PLD5: variants seen among roughly 807,000 people sequenced by gnomAD.
PLD5 encodes phospholipase D family member 5, also known as inactive phospholipase D5.
Under a neutral mutation model 61.1 loss-of-function variants are expected in PLD5, and 36 were observed. That is an observed-to-expected ratio of 0.59 (90% CI 0.45 to 0.78). The LOEUF (loss-of-function observed/expected upper bound fraction) is 0.78, where lower values mean the gene tolerates loss of function less well. Among genes scored for constraint, PLD5 ranks in the 30% least tolerant of loss-of-function variants. The pLI, the probability that PLD5 is intolerant of heterozygous loss-of-function variation, is 0.00. For missense variants in PLD5, 515 were observed against 644.4 expected (o/e 0.80, Z 2.17); for synonymous variants, 243 against 242.8 (o/e 1.00, Z -0.01).
At chr1:242,424,216 A>T (rs1665296884) in intron 1 of PLD5, among the ~76,000 whole-genome samples, 1 of 151,966 alleles carries the variant, frequency 6.6e-6, no homozygotes, top group African/African-American at 2.4e-5. Context: ...CTCCTGCCCC[A>T]CCCCACTATG....
rs2149220232 is a variant in PLD5, at chr1:242,348,360, C to T, written c.190-118G>A. 3.6e-6 allele frequency: 4 copies of T among 1,123,764 alleles called. No individual in the cohort carries two copies. In the South Asian group the frequency reaches 6.6e-5, roughly 19 times the overall value. 69.6% of individuals were successfully genotyped at this position (1,123,764 alleles called of 1,614,324 possible). ...ATGGGTGGGGATACGATTATCACTG[C>T]CTAGAAGGGAAATCTATTCTCTAGT... On this transcript the variant is annotated intron_variant, in intron 1 of 9. Coordinates refer to ENST00000536534, the MANE Select transcript of PLD5 (RefSeq NM_001372062.1).
At chr1:242,160,155 G>C (rs1665710863) in intron 5 of PLD5, among the ~76,000 whole-genome samples, 1 of 151,986 alleles carries the variant, frequency 6.6e-6, no homozygotes, top group Non-Finnish European at 1.5e-5. Context: ...AGAACCACAG[G>C]CATGTGCCAC....
intron 5 of PLD5, among the ~76,000 whole-genome samples, chr1:242,214,690 C>T (rs917020824): frequency 2.0e-5 from 3 of 152,050 alleles, no homozygotes; most frequent in Admixed American, 1.3e-4. Flanking sequence ...CTCACAGGCA[C>T]GTCCCCTCCT....
intron 2 of PLD5, chr1:242,345,688 G>C: frequency 2.6e-6 from 2 of 755,030 alleles, no homozygotes; most frequent in Non-Finnish European, 2.5e-6. Context: ...GGTGTCCTCA[G>C]ACCCTATCAG....
intron 1 of PLD5, among the ~76,000 whole-genome samples, chr1:242,462,359 A>C (rs1447861363): frequency 6.6e-6 from 1 of 152,172 alleles, no homozygotes; most frequent in Non-Finnish European, 1.5e-5. Flanking sequence ...GTTAGAAGCC[A>C]TAATCCTAGA....
chr1:242,154,591 A>C (rs934437823), intron 5 of PLD5, among the ~76,000 whole-genome samples: 4 of 152,122 alleles, frequency 2.6e-5, no homozygotes, highest in Non-Finnish European at 5.9e-5. Flanking sequence ...TTCTGCATCT[A>C]TTGAGATAAT....
chr1:242,163,133 TTTTCTTTTCTTTTC>T (rs1665977861), intron 5 of PLD5, among the ~76,000 whole-genome samples: 1 of 127,598 alleles, frequency 7.8e-6, no homozygotes, highest in Non-Finnish European at 1.7e-5. Flanking sequence ...AAGTCTTTTA[TTTTCTTTTCTTTTC>T]TTTCTTTTCT....
Position 242,249,515 on chromosome 1 carries a change from G to A in PLD5, c.607+15822C>T, listed in dbSNP as rs1410790327. Among the ~76,000 whole-genome samples the A allele has an allele frequency of 2.0e-5, 3 of 152,164 alleles. No individual in the cohort carries two copies. The East Asian group carries it at 5.8e-4, about 29-fold the overall frequency. ...TCATCTTTCAAAGAAAGTTAAAAGG[G>A]AGGGAGCAAAAAACAACCAGGGGGT... On this transcript the variant is annotated intron_variant, in intron 4 of 9. Transcript: ENST00000536534.
intron 4 of PLD5, among the ~76,000 whole-genome samples, chr1:242,251,780 G>GA (rs1181905283): frequency 6.6e-6 from 1 of 152,126 alleles, no homozygotes; most frequent in Non-Finnish European, 1.5e-5. Context: ...AGGTAAGAGA[G>GA]AAAAAAACTT....
intron 3 of PLD5, among the ~76,000 whole-genome samples, chr1:242,277,843 C>T (rs1389587623): frequency 5.9e-5 from 9 of 151,968 alleles, no homozygotes; most frequent in Admixed American, 1.3e-4. Context: ...ATTAGCCAGG[C>T]GTGGTGGTGC....
At chr1:242,517,262 T>C (rs537481462) in intron 1 of PLD5, among the ~76,000 whole-genome samples, 6 of 151,796 alleles carry the variant, frequency 4.0e-5, no homozygotes, top group African/African-American at 1.5e-4. Context: ...TGGACATCTC[T>C]GTCTCACTCA....
intron 5 of PLD5, among the ~76,000 whole-genome samples, chr1:242,204,780 C>T (rs1669217149): frequency 6.6e-6 from 1 of 152,066 alleles, no homozygotes; most frequent in South Asian, 2.1e-4. Flanking sequence ...AAATAACTTG[C>T]CCTGGGTCAT....
chr1:242,270,418 C>T (rs944908571), intron 3 of PLD5, among the ~76,000 whole-genome samples: 2 of 152,304 alleles, frequency 1.3e-5, no homozygotes, highest in African/African-American at 4.8e-5. Context: ...ATGCTGATGA[C>T]CACATGGCTT....
At position 242,356,530 on chromosome 1, in the gene PLD5, T is replaced by C. The variant is rs534465193; in HGVS notation, c.190-8288A>G. On this transcript the variant is annotated intron_variant, in intron 1 of 9. Coordinates refer to ENST00000536534, the MANE Select transcript of PLD5 (RefSeq NM_001372062.1). ...AGTTCATTCATCACTCTATGTCTTT[T>C]GATTAGAGAATTTAATCTCTTTTCA... 1.1e-3 allele frequency among the ~76,000 whole-genome samples: 170 copies of C among 152,148 alleles called. 1 individual carries two copies. The highest frequency in any genetic ancestry group is 2.2e-3 in the Non-Finnish European group (147 of 67,986).
intron 5 of PLD5, among the ~76,000 whole-genome samples, chr1:242,206,094 G>T (rs1011143398): frequency 6.6e-6 from 1 of 152,192 alleles, no homozygotes; most frequent in Non-Finnish European, 1.5e-5. Context: ...GTTCAGCAAA[G>T]AACTATCACT....
chr1:242,506,247 T>C lies in PLD5; in HGVS notation c.189+17841A>G, dbSNP rs1258766182. Among the ~76,000 whole-genome samples, 3 of 152,210 alleles carry C rather than the reference T, an allele frequency of 2.0e-5. No individual in the cohort carries two copies. In the East Asian group the frequency reaches 5.8e-4, roughly 29 times the overall value. ...AAGAGGGAAGGTATATACATCTTAG[T>C]GATCTATATCTAGGAAATTAAACTT... On this transcript the variant is annotated intron_variant, in intron 1 of 9. Transcript: ENST00000536534.
At chr1:242,225,050 T>C (rs1040631595) in intron 4 of PLD5, among the ~76,000 whole-genome samples, 8 of 152,216 alleles carry the variant, frequency 5.3e-5, no homozygotes, top group African/African-American at 1.9e-4. Flanking sequence ...AAGAATGTCA[T>C]ACAAATTGAG....
At chr1:242,453,544 T>G (rs1666853602) in intron 1 of PLD5, among the ~76,000 whole-genome samples, 1 of 152,132 alleles carries the variant, frequency 6.6e-6, no homozygotes, top group South Asian at 2.1e-4. Context: ...CCCTACACAG[T>G]GTATTCATTA....
At chr1:242,398,758 C>T (rs531342208) in intron 1 of PLD5, among the ~76,000 whole-genome samples, 31 of 152,266 alleles carry the variant, frequency 2.0e-4, no homozygotes, top group African/African-American at 7.5e-4. Flanking sequence ...TATGCAAAAG[C>T]CTTTTGCGAA....
Sources: allele counts gnomAD v4.1 joint callset (sites outside exome capture counted in the v4.1 genomes callset), GRCh38; gene constraint gnomAD v4.1.1; transcripts MANE v1.5; gene names NCBI Gene and HGNC (gene_info 2026-07-23, HGNC 2026-07-21).